The following MAP3K20 variants were observed in gnomAD, a reference collection of about 807,000 sequenced individuals.
The protein encoded by MAP3K20 is mitogen-activated protein kinase kinase kinase 20, also known as HCCS-4.
Under a neutral mutation model 85.7 loss-of-function variants are expected in MAP3K20, and 40 were observed. The ratio of observed to expected loss-of-function variants is 0.47; its 90% confidence interval spans 0.36 to 0.61. MAP3K20 has a LOEUF of 0.61. Ranked by LOEUF, MAP3K20 falls within the 20% of genes least tolerant of loss-of-function variation. MAP3K20 has a pLI of 0.00. For missense variants in MAP3K20, 817 were observed against 961.7 expected (o/e 0.85, Z 1.99); for synonymous variants, 325 against 327.7 (o/e 0.99, Z 0.09).
intron 2 of MAP3K20, among the ~76,000 whole-genome samples, chr2:173,091,625 G>A (rs1194364319): frequency 6.6e-6 from 1 of 151,918 alleles, no homozygotes; most frequent in African/African-American, 2.4e-5. Context: ...ATAAGACACT[G>A]TTTTTTTTAA....
At chr2:173,264,883 G>A (rs1031045394) in intron 19 of MAP3K20, among the ~76,000 whole-genome samples, 7 of 152,130 alleles carry the variant, frequency 4.6e-5, no homozygotes, top group African/African-American at 1.7e-4. Flanking sequence ...AAAGAGGAAG[G>A]TAGAGATTAG....
intron 2 of MAP3K20, among the ~76,000 whole-genome samples, chr2:173,148,170 A>G (rs1275540170): frequency 6.6e-6 from 1 of 151,996 alleles, no homozygotes; most frequent in Non-Finnish European, 1.5e-5. Context: ...CTGCCCCTTT[A>G]TCCTCCCCTG....
At chr2:173,116,394 T>A (rs981097444) in intron 2 of MAP3K20, among the ~76,000 whole-genome samples, 1 of 152,318 alleles carries the variant, frequency 6.6e-6, no homozygotes, top group South Asian at 2.1e-4. Context: ...AACCAAAATC[T>A]CATGTCCTTT....
At chr2:173,081,694 G>T (rs967797074) in intron 1 of MAP3K20, among the ~76,000 whole-genome samples, 11 of 152,192 alleles carry the variant, frequency 7.2e-5, no homozygotes, top group Admixed American at 2.6e-4. Flanking sequence ...TTTGGGAGGA[G>T]AAATTGAAGA....
chr2:173,262,090 T>C (rs1685308501), intron 18 of MAP3K20, among the ~76,000 whole-genome samples: 1 of 151,860 alleles, frequency 6.6e-6, no homozygotes, highest in South Asian at 2.1e-4. Context: ...CTCAGAGAGA[T>C]GAAAGGAAGT....
upstream of MAP3K20, chr2:173,075,754 C>G (rs953343095): frequency 2.6e-5 from 26 of 985,282 alleles, no homozygotes; most frequent in African/African-American, 4.5e-4. Context: ...CGAGCGCCTT[C>G]CCCACGCCCC....
At chr2:173,239,804 C>T (rs746012114) in intron 16 of MAP3K20, among the ~76,000 whole-genome samples, 39 of 152,188 alleles carry the variant, frequency 2.6e-4, no homozygotes, top group Non-Finnish European at 4.6e-4. Flanking sequence ...ACTCATGTCA[C>T]AGCTTCCTGC....
intron 2 of MAP3K20, among the ~76,000 whole-genome samples, chr2:173,162,511 C>A (rs1240481834): frequency 6.6e-6 from 1 of 151,922 alleles, no homozygotes; most frequent in East Asian, 1.9e-4. Context: ...CATGGTGAAA[C>A]CTCATCTGTA....
chr2:173,242,343 ATT>A (rs1458400430), intron 16 of MAP3K20, among the ~76,000 whole-genome samples: 1 of 151,834 alleles, frequency 6.6e-6, no homozygotes, highest in Non-Finnish European at 1.5e-5. Context: ...CTAATTTTGT[ATT>A]TTTAGTAGAG....
At chr2:173,094,256 C>G (rs1687393090) in intron 2 of MAP3K20, among the ~76,000 whole-genome samples, 1 of 152,120 alleles carries the variant, frequency 6.6e-6, no homozygotes, top group Admixed American at 6.5e-5. Flanking sequence ...TGCTTTTTCT[C>G]TATATGTTAT....
chr2:173,256,332 T>C (rs1274193660), intron 16 of MAP3K20, among the ~76,000 whole-genome samples: 2 of 152,162 alleles, frequency 1.3e-5, no homozygotes, highest in Non-Finnish European at 2.9e-5. Flanking sequence ...TTCTTCATTC[T>C]TCAAAAAACA....
intron 2 of MAP3K20, among the ~76,000 whole-genome samples, chr2:173,143,436 A>G (rs1689036098): frequency 6.6e-6 from 1 of 152,196 alleles, no homozygotes; most frequent in Non-Finnish European, 1.5e-5. Context: ...GAGACATTAT[A>G]CTTAACAACT....
intron 3 of MAP3K20, among the ~76,000 whole-genome samples, chr2:173,170,269 T>C (rs1689962754): frequency 6.6e-6 from 1 of 152,232 alleles, no homozygotes; most frequent in Non-Finnish European, 1.5e-5. Flanking sequence ...TGTAATTCTT[T>C]GCAAGGCATT....
At chr2:173,216,189 A>G (rs998060224) in intron 10 of MAP3K20, among the ~76,000 whole-genome samples, 1 of 152,208 alleles carries the variant, frequency 6.6e-6, no homozygotes, top group Non-Finnish European at 1.5e-5. Context: ...CAACAGCCCT[A>G]AAGGAGAAAA....
chr2:173,266,630 C>T lies in MAP3K20; in HGVS notation c.2283C>T (p.Ser761=), dbSNP rs1475410700. The T allele has an allele frequency of 6.2e-7, 1 of 1,613,688 alleles. No individual in the cohort carries two copies. Among genetic ancestry groups the T allele is most frequent in the Non-Finnish European group, 8.5e-7 (1 of 1,179,926 alleles). ...ACTCAAGAGCCAGTGAAGAGGACAG[C>T]AAAGTCAGCGAAGGGGGCTGGACAA... ...ETDSRASEED[S]KVSEGGWTKV... is the part of the protein sequence containing the mutation. The change falls in exon 20 of 20, where the codon AGC becomes AGT. Residue 761 remains serine, a synonymous_variant. Coordinates refer to ENST00000375213, the MANE Select transcript of MAP3K20 (RefSeq NM_016653.3).
intron 9 of MAP3K20, among the ~76,000 whole-genome samples, chr2:173,204,925 A>C (rs1022812294): frequency 4.6e-5 from 7 of 152,004 alleles, no homozygotes; most frequent in African/African-American, 1.2e-4. Context: ...AACACAGTGA[A>C]ACCCCACCTC....
At chr2:173,194,710 A>C (rs1422882943) in intron 7 of MAP3K20, among the ~76,000 whole-genome samples, 1 of 151,982 alleles carries the variant, frequency 6.6e-6, no homozygotes, top group African/African-American at 2.4e-5. Flanking sequence ...TGTTCATTGA[A>C]ACCCCCTCTA....
intron 2 of MAP3K20, among the ~76,000 whole-genome samples, chr2:173,134,406 A>ATT (rs1574044672): frequency 1.4e-4 from 1 of 7,258 alleles, no homozygotes; most frequent in East Asian, 2.4e-3. Context: ...ATATATATAT[A>ATT]TATATATATA....
chr2:173,175,604 A>T (rs954959225), intron 3 of MAP3K20, among the ~76,000 whole-genome samples: 23 of 152,208 alleles, frequency 1.5e-4, no homozygotes, highest in African/African-American at 5.5e-4. Context: ...TTTATAAAGT[A>T]TTAATGATCT....
Sources: allele counts gnomAD v4.1 joint callset (sites outside exome capture counted in the v4.1 genomes callset), GRCh38; gene constraint gnomAD v4.1.1; transcripts MANE v1.5; gene names NCBI Gene and HGNC (gene_info 2026-07-23, HGNC 2026-07-21).